The following TGFBR2 variants were observed in gnomAD, a reference collection of about 807,000 sequenced individuals.
The protein encoded by TGFBR2 is TGF-beta receptor type-2.
A neutral mutation model predicts 49.0 loss-of-function variants in TGFBR2; 18 were observed. The observed-to-expected ratio is 0.37, with a 90% CI of 0.25 to 0.54. The LOEUF (loss-of-function observed/expected upper bound fraction) is 0.54, where lower values mean the gene tolerates loss of function less well. Among genes scored for constraint, TGFBR2 ranks in the 20% least tolerant of loss-of-function variants. The pLI is 0.85. For synonymous variants in TGFBR2, 282 were observed against 275.9 expected, an observed-to-expected ratio of 1.02 and a Z score of -0.22; for missense variants, 525 against 722.6, an observed-to-expected ratio of 0.73 and a Z score of 3.13.
intron 3 of TGFBR2, among the ~76,000 whole-genome samples, chr3:30,665,372 ATCC>A (rs1367966172): frequency 6.6e-6 from 1 of 152,252 alleles, no homozygotes; most frequent in Admixed American, 6.5e-5. Flanking sequence ...AAGGTTCAGT[ATCC>A]TCCTCTGTAA....
At chr3:30,617,726 A>G (rs1272594689) in intron 1 of TGFBR2, among the ~76,000 whole-genome samples, 1 of 152,140 alleles carries the variant, frequency 6.6e-6, no homozygotes, top group Non-Finnish European at 1.5e-5. Flanking sequence ...TCATCTTCTG[A>G]TAACAGCAAC....
Position 30,694,039 on chromosome 3 carries a change from T to C in TGFBR2, c.*2440T>C, listed in dbSNP as rs1447399525. 8.7e-6 allele frequency: 2 copies of C among 230,638 alleles called. No individual in the cohort carries two copies. Among genetic ancestry groups the C allele is most frequent in the East Asian group, 1.2e-4 (2 of 16,252 alleles). The allele number at this position is 230,638 out of a possible 1,614,324, so 14.3% of individuals were successfully genotyped here. A position where few individuals can be genotyped will look rare whatever the true frequency, so the allele number is the denominator to read the frequency against. On this transcript the variant is annotated 3_prime_UTR_variant, in exon 7 of 7. Transcript: ENST00000295754. Reference sequence around the variant, plus strand: ...AAGTCTCAAGCACTTATTTTTATTCTATGCATTGTTTGTCTTTTACATAAA... The same window carrying C: ...AAGTCTCAAGCACTTATTTTTATTCCATGCATTGTTTGTCTTTTACATAAA...
intron 3 of TGFBR2, among the ~76,000 whole-genome samples, chr3:30,653,294 C>T (rs543952704): frequency 4.1e-4 from 59 of 142,978 alleles, no homozygotes; most frequent in Non-Finnish European, 3.8e-4. Context: ...CTCTGTCACC[C>T]GGGCTGGAGT....
chr3:30,613,003 T>G (rs1698057643), intron 1 of TGFBR2, among the ~76,000 whole-genome samples: 1 of 152,126 alleles, frequency 6.6e-6, no homozygotes, highest in Admixed American at 6.5e-5. Flanking sequence ...GCTTAGACTC[T>G]TAAGGGTTCC....
intron 3 of TGFBR2, among the ~76,000 whole-genome samples, chr3:30,666,461 G>T (rs1699244551): frequency 6.6e-6 from 1 of 152,044 alleles, no homozygotes; most frequent in East Asian, 1.9e-4. Context: ...CAGAACAAAG[G>T]AATATAATCC....
chr3:30,621,895 T>A (rs900828707), intron 1 of TGFBR2, among the ~76,000 whole-genome samples: 1 of 152,216 alleles, frequency 6.6e-6, no homozygotes, highest in Non-Finnish European at 1.5e-5. Context: ...GCTGCAGCCG[T>A]AGTTAGCCCC....
chr3:30,635,695 TTTGAGACACAAG>T (rs1170485594), intron 1 of TGFBR2, among the ~76,000 whole-genome samples: 13 of 152,216 alleles, frequency 8.5e-5, no homozygotes, highest in Admixed American at 1.3e-4. Flanking sequence ...GATGAATTCA[TTTGAGACACAAG>T]TAATCATTCC....
intron 3 of TGFBR2, among the ~76,000 whole-genome samples, chr3:30,659,756 T>A (rs1699081124): frequency 6.6e-6 from 1 of 151,604 alleles, no homozygotes; most frequent in Non-Finnish European, 1.5e-5. Context: ...TTCGGGTGGT[T>A]CCTCTGCAGC....
intron 1 of TGFBR2, among the ~76,000 whole-genome samples, chr3:30,618,304 G>A (rs1381474651): frequency 6.8e-6 from 1 of 147,398 alleles, no homozygotes; most frequent in Non-Finnish European, 1.5e-5. Flanking sequence ...ATCTCGGCTC[G>A]CTGCAACCTC....
chr3:30,641,499 A>G (rs1698645394), intron 1 of TGFBR2, among the ~76,000 whole-genome samples: 1 of 152,150 alleles, frequency 6.6e-6, no homozygotes, highest in African/African-American at 2.4e-5. Flanking sequence ...GGTGCTGAAC[A>G]TGTCCTGCAT....
chr3:30,655,796 A>C (rs1698983781), intron 3 of TGFBR2, among the ~76,000 whole-genome samples: 1 of 152,218 alleles, frequency 6.6e-6, no homozygotes, highest in Non-Finnish European at 1.5e-5. Flanking sequence ...TGGCTGGCAC[A>C]CAGTAGGTGC....
chr3:30,668,773 G>A (rs1258964827), intron 3 of TGFBR2, among the ~76,000 whole-genome samples: 1 of 151,548 alleles, frequency 6.6e-6, no homozygotes, highest in Non-Finnish European at 1.5e-5. Flanking sequence ...AAAAAATGGT[G>A]ATTTTTTTTT....
chr3:30,626,264 C>G (rs1392997314), intron 1 of TGFBR2, among the ~76,000 whole-genome samples: 1 of 152,158 alleles, frequency 6.6e-6, no homozygotes, highest in Non-Finnish European at 1.5e-5. Context: ...ACTTTAAATC[C>G]AGCATAACAA....
chr3:30,668,254 G>A (rs1268471374), intron 3 of TGFBR2, among the ~76,000 whole-genome samples: 3 of 152,172 alleles, frequency 2.0e-5, no homozygotes, highest in Admixed American at 6.5e-5. Flanking sequence ...TGTATATCAT[G>A]ATGATCAAAA....
chr3:30,692,604 T>C lies in TGFBR2; in HGVS notation c.*1005T>C, dbSNP rs1699736084. On this transcript the variant is annotated 3_prime_UTR_variant, in exon 7 of 7. Transcript: ENST00000295754. ...GGCTTTATCGTGTTTACTTTTTCATTACACTTGACTTGATTTTCTAGTTTT... is the reference window on the plus strand; with the variant it reads ...GGCTTTATCGTGTTTACTTTTTCATCACACTTGACTTGATTTTCTAGTTTT... 1 of 233,148 alleles carries C rather than the reference T, an allele frequency of 4.3e-6. No homozygotes were observed. The highest frequency in any genetic ancestry group is 2.2e-5 in the African/African-American group (1 of 45,346). The allele number at this position is 233,148 out of a possible 1,614,324, so 14.4% of individuals were successfully genotyped here.
At chr3:30,620,126 G>A (rs1436784316) in intron 1 of TGFBR2, among the ~76,000 whole-genome samples, 1 of 152,176 alleles carries the variant, frequency 6.6e-6, no homozygotes, top group Non-Finnish European at 1.5e-5. Context: ...GGCGGAGTTT[G>A]CAGTGAGCCG....
chr3:30,606,906 G>A lies in TGFBR2; in HGVS notation c.23G>A (p.Gly8Asp), dbSNP rs777080264. MGRGLLR[G>D]LWPLHIVLWT... ...GCCATGGGTCGGGGGCTGCTCAGGG[G>A]CCTGTGGCCGCTGCACATCGTCCTG... The change falls in exon 1 of 7, where the codon GGC becomes GAC. Residue 8 changes from glycine to aspartate, a missense_variant. Gly to Asp is a moderately conservative substitution (Grantham distance 94, BLOSUM62 -1). This residue lies in a region of TGFBR2 where 376 missense variants were observed against 478.2 expected (regional missense o/e 0.79). Transcript: ENST00000295754. 6.3e-7 allele frequency: 1 copy of A among 1,592,430 alleles called. No individual in the cohort carries two copies. Among genetic ancestry groups the A allele is most frequent in the South Asian group, 1.1e-5 (1 of 88,320 alleles).
At position 30,606,897 on chromosome 3, in the gene TGFBR2, T is replaced by TGCTCAGGGGCC. The variant is rs1559443652; in HGVS notation, c.15_25dup (p.Leu9ArgfsTer32). 11 of 1,578,224 alleles carry TGCTCAGGGGCC rather than the reference T, an allele frequency of 7.0e-6. No homozygotes were observed. The highest frequency in any genetic ancestry group is 9.5e-6 in the Non-Finnish European group (11 of 1,160,034). On this transcript the variant is annotated frameshift_variant, in exon 1 of 7. Coordinates refer to ENST00000295754, the MANE Select transcript of TGFBR2 (RefSeq NM_003242.6). LOFTEE classifies it high-confidence loss of function. The stretch of plus-strand genomic sequence containing the variant: ...GCGGGGTCTGCCATGGGTCGGGGGC[T>TGCTCAGGGGCC]GCTCAGGGGCCTGTGGCCGCTGCAC...
At chr3:30,609,081 G>C (rs528345794) in intron 1 of TGFBR2, among the ~76,000 whole-genome samples, 4 of 152,122 alleles carry the variant, frequency 2.6e-5, no homozygotes, top group Non-Finnish European at 5.9e-5. Flanking sequence ...GCTTAAAAAC[G>C]TGGTGGCTTT....
Sources: allele counts gnomAD v4.1 joint callset (sites outside exome capture counted in the v4.1 genomes callset), GRCh38; gene constraint gnomAD v4.1.1; regional missense constraint gnomAD v4.1.1; transcripts MANE v1.5; gene names NCBI Gene and HGNC (gene_info 2026-07-23, HGNC 2026-07-21).